The following PTPRR variants were observed in gnomAD, a reference collection of about 807,000 sequenced individuals.
PTPRR encodes receptor-type tyrosine-protein phosphatase R.
In PTPRR, 38 loss-of-function variants were observed where a neutral mutation model predicts 77.2. That is an observed-to-expected ratio of 0.49 (90% CI 0.38 to 0.65). The LOEUF is 0.65. Among genes scored for constraint, PTPRR ranks in the 30% least tolerant of loss-of-function variants. The pLI is 0.00. For synonymous variants in PTPRR, 299 were observed against 283.1 expected, an observed-to-expected ratio of 1.06 and a Z score of -0.57; for missense variants, 744 against 799.2, an observed-to-expected ratio of 0.93 and a Z score of 0.83.
intron 2 of PTPRR, among the ~76,000 whole-genome samples, chr12:70,855,295 C>G (rs1592794878): frequency 6.6e-6 from 1 of 152,108 alleles, no homozygotes; most frequent in South Asian, 2.1e-4. Context: ...GACATAAACC[C>G]AAAAGGAATA....
intron 2 of PTPRR, among the ~76,000 whole-genome samples, chr12:70,871,195 CT>C (rs1209768818): frequency 2.0e-5 from 3 of 152,174 alleles, no homozygotes; most frequent in African/African-American, 7.2e-5. Context: ...TGTGGGCTAA[CT>C]TTAGCTGATA....
Position 70,673,900 on chromosome 12 carries a change from T to G in PTPRR, c.1497+10227A>C, listed in dbSNP as rs543301523. ...GCTAGTTTTGCCTATTTTATTAGAC[T>G]TCAAAAAATTGACTTTTGTTTACAT... is the stretch of plus-strand genomic sequence containing the variant. On this transcript the variant is annotated intron_variant, in intron 10 of 13. Coordinates refer to ENST00000283228, the MANE Select transcript of PTPRR (RefSeq NM_002849.4). 7.9e-5 allele frequency among the ~76,000 whole-genome samples: 12 copies of G among 152,306 alleles called. No individual in the cohort carries two copies. The East Asian group carries it at 2.1e-3, about 27-fold the overall frequency.
intron 2 of PTPRR, among the ~76,000 whole-genome samples, chr12:70,827,987 T>C (rs1255566150): frequency 6.6e-6 from 1 of 152,124 alleles, no homozygotes; most frequent in Admixed American, 6.5e-5. Flanking sequence ...CCCAAAGTGT[T>C]GGGATTACAG....
intron 2 of PTPRR, among the ~76,000 whole-genome samples, chr12:70,771,589 C>A (rs1269380944): frequency 6.6e-6 from 1 of 152,044 alleles, no homozygotes; most frequent in South Asian, 2.1e-4. Flanking sequence ...TATAATAAAG[C>A]AATTTGTCTA....
intron 6 of PTPRR, among the ~76,000 whole-genome samples, chr12:70,716,309 AT>A (rs962758617): frequency 6.7e-6 from 1 of 149,826 alleles, no homozygotes; most frequent in African/African-American, 2.5e-5. Flanking sequence ...ATAATTTTCA[AT>A]TTTTTTCTAT....
At chr12:70,855,378 G>A (rs1288699033) in intron 2 of PTPRR, among the ~76,000 whole-genome samples, 1 of 152,138 alleles carries the variant, frequency 6.6e-6, no homozygotes, top group Non-Finnish European at 1.5e-5. Flanking sequence ...CCTCAGCTAG[G>A]GCAGCAGGGA....
At chr12:70,755,900 A>G (rs181440819) in intron 4 of PTPRR, among the ~76,000 whole-genome samples, 102 of 152,246 alleles carry the variant, frequency 6.7e-4, no homozygotes, top group Non-Finnish European at 1.2e-3. Flanking sequence ...CTGGAAACTA[A>G]TAGAAAACTC....
intron 2 of PTPRR, among the ~76,000 whole-genome samples, chr12:70,876,148 C>G (rs1416390359): frequency 1.3e-5 from 2 of 151,948 alleles, no homozygotes; most frequent in Non-Finnish European, 2.9e-5. Context: ...AAAAATCTTT[C>G]TTTTGAAAAT....
chr12:70,688,202 A>G lies in PTPRR; in HGVS notation c.1280-3419T>C, dbSNP rs116396706. On this transcript the variant is annotated intron_variant, in intron 8 of 13. Coordinates refer to ENST00000283228, the MANE Select transcript of PTPRR (RefSeq NM_002849.4). ...AAAATTTCTTGGATATGACCCTGAA[A>G]GCACAATGAAAGCAAAAATAGACAC... Among the ~76,000 whole-genome samples, 727 of 152,326 alleles carry G rather than the reference A, an allele frequency of 4.8e-3. 8 individuals carry two copies. Among genetic ancestry groups the G allele is most frequent in the African/African-American group, 0.017 (701 of 41,576 alleles).
intron 2 of PTPRR, among the ~76,000 whole-genome samples, chr12:70,822,834 C>A (rs1412443129): frequency 6.6e-6 from 1 of 152,100 alleles, no homozygotes; most frequent in Non-Finnish European, 1.5e-5. Flanking sequence ...GAAATGTCCT[C>A]TCATCTCTTA....
chr12:70,885,359 C>T (rs1031886294), intron 2 of PTPRR, among the ~76,000 whole-genome samples: 3 of 152,094 alleles, frequency 2.0e-5, no homozygotes, highest in African/African-American at 7.2e-5. Flanking sequence ...AAAAGTGATG[C>T]TGTACAATGA....
Position 70,701,053 on chromosome 12 carries a change from T to C in PTPRR, c.1194+84A>G, listed in dbSNP as rs934300335. The C allele has an allele frequency of 7.7e-6, 11 of 1,429,634 alleles. No homozygotes were observed. The African/African-American group carries it at 1.4e-4, about 18-fold the overall frequency. 88.6% of individuals were successfully genotyped at this position (1,429,634 alleles called of 1,614,324 possible). A position where few individuals can be genotyped will look rare whatever the true frequency, so the allele number is the denominator to read the frequency against. Reference sequence around the variant, plus strand: ...TTGTTTACTGTAGACTGCTTAAGTATAGGACAGTATCATTTCCATACGTCT... The same window carrying C: ...TTGTTTACTGTAGACTGCTTAAGTACAGGACAGTATCATTTCCATACGTCT... On this transcript the variant is annotated intron_variant, in intron 7 of 13. Transcript: ENST00000283228.
intron 2 of PTPRR, among the ~76,000 whole-genome samples, chr12:70,765,459 G>T (rs924290688): frequency 3.9e-5 from 6 of 152,188 alleles, no homozygotes; most frequent in Non-Finnish European, 8.8e-5. Context: ...GGCTGGGGGA[G>T]GGGTGCCCGC....
At chr12:70,706,683 C>T (rs568266801) in intron 6 of PTPRR, among the ~76,000 whole-genome samples, 27 of 152,082 alleles carry the variant, frequency 1.8e-4, no homozygotes, top group African/African-American at 6.3e-4. Context: ...ATTTACTACA[C>T]CCTTATTTTA....
At chr12:70,757,108 T>A (rs138698458) in intron 4 of PTPRR, among the ~76,000 whole-genome samples, 210 of 152,334 alleles carry the variant, frequency 1.4e-3, no homozygotes, top group African/African-American at 4.8e-3. Flanking sequence ...TGGCTAGGTC[T>A]ACACTAATTT....
Position 70,723,922 on chromosome 12 carries a change from T to A in PTPRR, c.1007+21896A>T, listed in dbSNP as rs140205023. Among the ~76,000 whole-genome samples the A allele has an allele frequency of 3.2e-4, 48 of 152,300 alleles. No homozygotes were observed. The Middle Eastern group carries it at 0.017, about 54-fold the overall frequency. On this transcript the variant is annotated intron_variant, in intron 6 of 13. Coordinates refer to ENST00000283228, the MANE Select transcript of PTPRR (RefSeq NM_002849.4). ...AGGCATGTCTATAAATTAAGGAGCA[T>A]GGCAATTTGCTCTTTATTTTTAAAA... is the stretch of plus-strand genomic sequence containing the variant.
chr12:70,655,375 A>G, intron 13 of PTPRR, among the ~76,000 whole-genome samples: 1 of 152,238 alleles, frequency 6.6e-6, no homozygotes, highest in East Asian at 1.9e-4. Flanking sequence ...CGTATGATCC[A>G]TCAATCCCAC....
chr12:70,686,142 A>C (rs1887860762), intron 8 of PTPRR, among the ~76,000 whole-genome samples: 1 of 152,222 alleles, frequency 6.6e-6, no homozygotes, highest in Non-Finnish European at 1.5e-5. Flanking sequence ...GGGGTGCAGC[A>C]AAGAAAAACT....
chr12:70,702,193 C>A (rs949511303), intron 6 of PTPRR, among the ~76,000 whole-genome samples: 1 of 152,090 alleles, frequency 6.6e-6, no homozygotes, highest in Admixed American at 6.6e-5. Context: ...CAAGGGGATG[C>A]TCTTACAACT....
Sources: gnomAD v4.1 joint callset for allele counts (sites outside exome capture counted in the v4.1 genomes callset) on GRCh38, gnomAD v4.1.1 for gene constraint, MANE v1.5 for transcripts, NCBI Gene and HGNC (gene_info 2026-07-23, HGNC 2026-07-21) for gene names.